Variants in LOC400499 observed in about 807,000 individuals in gnomAD.
the LOC400499 span, chr16:11,494,667 C>T: frequency 7.5e-6 from 3 of 399,474 alleles, no homozygotes; most frequent in Non-Finnish European, 1.3e-5. Flanking sequence ...GGCAGCTGGC[C>T]GCAGGGCCCG....
chr16:11,405,638 G>A, the LOC400499 span, among the ~76,000 whole-genome samples: 1 of 152,110 alleles, frequency 6.6e-6, no homozygotes, highest in Non-Finnish European at 1.5e-5. Flanking sequence ...GGGGAAGGAA[G>A]TTTGCTCTTA....
chr16:11,408,913 G>A, the LOC400499 span, among the ~76,000 whole-genome samples: 1 of 151,906 alleles, frequency 6.6e-6, no homozygotes, highest in Non-Finnish European at 1.5e-5. Flanking sequence ...TCTAGTATGT[G>A]GGTATGCACT....
At chr16:11,443,444 G>A in the LOC400499 span, 3 of 320,768 alleles carry the variant, frequency 9.4e-6, no homozygotes, top group Non-Finnish European at 1.2e-5. Flanking sequence ...CTCCAGCCTA[G>A]ACAACAGAGT....
the LOC400499 span, among the ~76,000 whole-genome samples, chr16:11,514,065 G>T: frequency 6.6e-6 from 1 of 152,132 alleles, no homozygotes; most frequent in Non-Finnish European, 1.5e-5. Flanking sequence ...CCTAAAATGG[G>T]CAGACTGAGG....
chr16:11,417,507 T>C, the LOC400499 span: 3 of 397,760 alleles, frequency 7.5e-6, no homozygotes, highest in Non-Finnish European at 1.3e-5. Context: ...TTGGTTGTCC[T>C]GGAGCCCAGA....
chr16:11,372,019 A>T, the LOC400499 span: 1 of 152,222 alleles, frequency 6.6e-6, no homozygotes, highest in Non-Finnish European at 1.5e-5. Flanking sequence ...ATGTTCTTGG[A>T]TTCTGCCAGC....
the LOC400499 span, chr16:11,390,566 G>A: frequency 1.1e-6 from 1 of 952,306 alleles, no homozygotes; most frequent in Non-Finnish European, 1.4e-6. Flanking sequence ...CTGTTCCTGG[G>A]ATTAAGATGT....
the LOC400499 span, among the ~76,000 whole-genome samples, chr16:11,445,060 G>C: frequency 6.6e-6 from 1 of 150,698 alleles, no homozygotes; most frequent in Admixed American, 6.7e-5. Context: ...CTGCACTACA[G>C]CCTGGGTGAC....
At chr16:11,460,652 G>A in the LOC400499 span, 1 of 1,490,254 alleles carries the variant, frequency 6.7e-7, no homozygotes, top group Non-Finnish European at 8.9e-7. Context: ...CCTCTGCCAG[G>A]CAGCCCTCCA....
chr16:11,438,525 C>G, the LOC400499 span, among the ~76,000 whole-genome samples: 9 of 149,192 alleles, frequency 6.0e-5, no homozygotes, highest in African/African-American at 2.3e-4. Flanking sequence ...AATCCCAGCA[C>G]CTTGGGAGGC....
the LOC400499 span, chr16:11,399,608 G>A: frequency 2.5e-6 from 1 of 398,798 alleles, no homozygotes; most frequent in East Asian, 3.6e-5. Flanking sequence ...GAGCTGATAG[G>A]GAAGAGAATA....
the LOC400499 span, among the ~76,000 whole-genome samples, chr16:11,383,135 A>C: frequency 8.2e-3 from 1,242 of 151,316 alleles, 17 homozygotes; most frequent in African/African-American, 0.029. Flanking sequence ...GTGCAGTCTC[A>C]GCTCACTGCA....
chr16:11,436,921 GCTT>G, the LOC400499 span, among the ~76,000 whole-genome samples: 1 of 152,024 alleles, frequency 6.6e-6, no homozygotes, highest in Admixed American at 6.6e-5. Context: ...AATGCCTGGT[GCTT>G]CCTTAGATGA....
the LOC400499 span, chr16:11,425,291 G>A: frequency 1.3e-5 from 5 of 399,028 alleles, no homozygotes; most frequent in Admixed American, 4.4e-5. Context: ...CCTTCAGCTG[G>A]AGCTCTCCAG....
the LOC400499 span, among the ~76,000 whole-genome samples, chr16:11,444,768 G>A: frequency 1.4e-4 from 22 of 152,224 alleles, no homozygotes; most frequent in African/African-American, 5.1e-4. Context: ...AGAGGAGCCA[G>A]GGATTGATGG....
At chr16:11,494,978 G>A in the LOC400499 span, among the ~76,000 whole-genome samples, 2 of 152,182 alleles carry the variant, frequency 1.3e-5, no homozygotes, top group African/African-American at 4.8e-5. Flanking sequence ...GGAGGCCAAG[G>A]CAGGTGGATC....
At chr16:11,482,229 A>G in the LOC400499 span, among the ~76,000 whole-genome samples, 103 of 152,268 alleles carry the variant, frequency 6.8e-4, 1 homozygote, top group East Asian at 0.019. Context: ...CTGCCTGGAG[A>G]CAGTGTCCAG....
the LOC400499 span, among the ~76,000 whole-genome samples, chr16:11,432,621 C>T: frequency 6.6e-6 from 1 of 152,308 alleles, no homozygotes; most frequent in East Asian, 1.9e-4. Flanking sequence ...CCCCAAGAAG[C>T]TTGCTGTTAA....
chr16:11,463,774 T>C, the LOC400499 span, among the ~76,000 whole-genome samples: 23 of 152,248 alleles, frequency 1.5e-4, no homozygotes, highest in African/African-American at 5.5e-4. Flanking sequence ...TGAACGTATA[T>C]ACAGATGTGT....
Sources: gnomAD v4.1 joint callset for allele counts (sites outside exome capture counted in the v4.1 genomes callset) on GRCh38, gnomAD v4.1.1 for gene constraint, MANE v1.5 for transcripts.